The following TAS1R1 variants were observed in gnomAD, a reference collection of about 807,000 sequenced individuals.
The protein encoded by TAS1R1 is taste receptor type 1 member 1.
A neutral mutation model predicts 45.8 loss-of-function variants in TAS1R1; 31 were observed. That is an observed-to-expected ratio of 0.68 (90% CI 0.51 to 0.91). The LOEUF is 0.91. Among genes scored for constraint, TAS1R1 ranks in the 40% least tolerant of loss-of-function variants. The pLI is 0.00. For synonymous variants in TAS1R1, 437 were observed against 448.4 expected, an observed-to-expected ratio of 0.97 and a Z score of 0.32; for missense variants, 1,051 against 1,063.9, an observed-to-expected ratio of 0.99 and a Z score of 0.17.
chr1:6,570,065 G>C (rs1424871796), intron 1 of TAS1R1, among the ~76,000 whole-genome samples: 3 of 151,498 alleles, frequency 2.0e-5, no homozygotes, highest in Non-Finnish European at 4.4e-5. Flanking sequence ...GTCCTCTGGG[G>C]ATGCCCGGCC....
intron 1 of TAS1R1, among the ~76,000 whole-genome samples, chr1:6,567,130 T>C (rs1639887124): frequency 6.6e-6 from 1 of 152,118 alleles, no homozygotes; most frequent in Admixed American, 6.6e-5. Flanking sequence ...TGAAGCATGA[T>C]AGAAAGACTA....
chr1:6,575,605 A>G (rs1194453399), intron 3 of TAS1R1, among the ~76,000 whole-genome samples: 1 of 147,514 alleles, frequency 6.8e-6, no homozygotes, highest in Admixed American at 6.8e-5. Flanking sequence ...TGCAACTTCC[A>G]CCTCCTGGGT....
intron 2 of TAS1R1, among the ~76,000 whole-genome samples, chr1:6,573,915 G>A (rs1479281929): frequency 2.0e-5 from 3 of 152,116 alleles, no homozygotes; most frequent in African/African-American, 2.4e-5. Context: ...CACCCACCTC[G>A]GCCTCCCAAT....
In TAS1R1 at chr1:6,557,332, G is replaced by A. The variant is rs576756749; in HGVS notation, c.191+1768G>A. 3.3e-5 allele frequency among the ~76,000 whole-genome samples: 5 copies of A among 152,176 alleles called. No individual in the cohort carries two copies. In the South Asian group the frequency reaches 8.3e-4, roughly 25 times the overall value. On this transcript the variant is annotated intron_variant, in intron 1 of 5. Coordinates refer to ENST00000333172, the MANE Select transcript of TAS1R1 (RefSeq NM_138697.4). ...GCAGGAGGCACGAACCCTCCGTTGA[G>A]AGACTCGGGACAGAAGTGGTAGAAA...
intron 1 of TAS1R1, among the ~76,000 whole-genome samples, chr1:6,567,485 G>A (rs1639894908): frequency 6.6e-6 from 1 of 151,962 alleles, no homozygotes; most frequent in African/African-American, 2.4e-5. Context: ...GTGTGAACCC[G>A]GGAGGCGGAG....
intron 2 of TAS1R1, among the ~76,000 whole-genome samples, chr1:6,573,287 T>C (rs1225483767): frequency 6.6e-6 from 1 of 152,126 alleles, no homozygotes; most frequent in Non-Finnish European, 1.5e-5. Context: ...TGAAACCCTG[T>C]CTCTGCTAAA....
At position 6,571,106 on chromosome 1, in the gene TAS1R1, A is replaced by G. The variant is rs543211233; in HGVS notation, c.389A>G (p.Gln130Arg). The G allele has an allele frequency of 1.2e-5, 19 of 1,614,050 alleles. No homozygotes were observed. The East Asian group carries it at 4.2e-4, about 36-fold the overall frequency. The stretch of plus-strand genomic sequence containing the variant: ...CCAGGGCAACACCACATAGAGCTCC[A>G]AGGAGACCTTCTCCACTATTCCCCT... ...SLPGQHHIEL[Q>R]GDLLHYSPTV... is the part of the protein sequence containing the mutation. Residue 130 changes from glutamine to arginine, a missense_variant, in exon 2 of 6, where the codon CAA (glutamine) becomes CGA (arginine). Gln to Arg is a conservative substitution (Grantham distance 43, BLOSUM62 1). Transcript: ENST00000333172.
chr1:6,578,548 G>A (rs1640253664), intron 5 of TAS1R1, 105 bp from the exon 6 acceptor site: 1 of 1,501,394 alleles, frequency 6.7e-7, no homozygotes, highest in Admixed American at 2.4e-5. Flanking sequence ...GCCTAGTATA[G>A]TCTAGCTGCC....
chr1:6,562,559 C>G (rs1457375934), intron 1 of TAS1R1, among the ~76,000 whole-genome samples: 1 of 152,200 alleles, frequency 6.6e-6, no homozygotes, highest in African/African-American at 2.4e-5. Flanking sequence ...CAGCTCCTCT[C>G]CCAACACTCA....
At position 6,570,894 on chromosome 1, in the gene TAS1R1, T is replaced by G. The variant is rs1473638748; in HGVS notation, c.192-15T>G. ...TTTGTCCTTCTCAGCTGTCTCTTAC[T>G]GGCTTTCTCCACAGGTCTTGTAGCT... On this transcript the variant is annotated splice_polypyrimidine_tract_variant and intron_variant, in intron 1 of 5. Transcript: ENST00000333172. 6.3e-7 allele frequency: 1 copy of G among 1,579,950 alleles called. No homozygotes were observed. The highest frequency in any genetic ancestry group is 8.6e-7 in the Non-Finnish European group (1 of 1,162,658).
rs773110625 is a variant in TAS1R1 at position 6,576,514 on chromosome 1, T to C, written c.1360T>C (p.Trp454Arg). Residue 454 changes from tryptophan (W) to arginine (R), a missense_variant, in exon 4 of 6, where the codon TGG becomes CGG. Physicochemically the swap from Trp to Arg is moderately radical, Grantham distance 101. Transcript: ENST00000333172. The stretch of plus-strand genomic sequence containing the variant: ...CCTCAGTAGCTATAACATAATTGCC[T>C]GGGACTGGAATGGACCCAAGTGGAC... ...DPLSSYNIIA[W>R]DWNGPKWTFT... 6.2e-7 allele frequency: 1 copy of C among 1,614,270 alleles called. No individual in the cohort carries two copies. Among genetic ancestry groups the C allele is most frequent in the Non-Finnish European group, 8.5e-7 (1 of 1,180,050 alleles).
At chr1:6,575,683 T>A (rs1640150782) in intron 3 of TAS1R1, among the ~76,000 whole-genome samples, 1 of 134,960 alleles carries the variant, frequency 7.4e-6, no homozygotes, top group Non-Finnish European at 1.6e-5. Flanking sequence ...CATGCCTGGA[T>A]AATTTTTCTT....
chr1:6,575,407 C>T lies in TAS1R1; in HGVS notation c.1260+15C>T. 1.3e-6 allele frequency: 2 copies of T among 1,534,158 alleles called. No individual in the cohort carries two copies. Among genetic ancestry groups the T allele is most frequent in the Non-Finnish European group, 1.7e-6 (2 of 1,144,120 alleles). ...ACCCCTGGCAGGTAAGAGAGCCCAC[C>T]CCAGCACCTCCTGTCAGGGAGAACA... On this transcript the variant is annotated intron_variant, in intron 3 of 5. Coordinates refer to ENST00000333172, the MANE Select transcript of TAS1R1 (RefSeq NM_138697.4).
In TAS1R1 at chr1:6,564,738, A is replaced by G. The variant is rs370481761; in HGVS notation, c.192-6171A>G. 1.4e-3 allele frequency among the ~76,000 whole-genome samples: 218 copies of G among 152,314 alleles called. 7 individuals carry two copies. The South Asian group carries it at 0.043, about 30-fold the overall frequency. On this transcript the variant is annotated intron_variant, in intron 1 of 5. Coordinates refer to ENST00000333172, the MANE Select transcript of TAS1R1 (RefSeq NM_138697.4). Reference sequence around the variant, plus strand: ...ATCAAATCTAGGGATGATATCTGCTATAAGAATTTGGGCGACTACTGCGGC... The same window carrying G: ...ATCAAATCTAGGGATGATATCTGCTGTAAGAATTTGGGCGACTACTGCGGC...
intron 1 of TAS1R1, among the ~76,000 whole-genome samples, chr1:6,562,310 A>G (rs972283304): frequency 2.6e-5 from 4 of 152,146 alleles, no homozygotes; most frequent in African/African-American, 9.7e-5. Context: ...CTGGGACTAC[A>G]GGCGACCGCC....
chr1:6,571,130 C>A lies in TAS1R1; in HGVS notation c.413C>A (p.Pro138His). 1 of 1,613,236 alleles carries A rather than the reference C, an allele frequency of 6.2e-7. No homozygotes were observed. Residue 138 changes from proline to histidine, a missense_variant, in exon 2 of 6, where the codon CCT becomes CAT. By Grantham distance (77) the Pro-to-His change is moderately conservative (BLOSUM62 -2). Transcript: ENST00000333172. ...CAAGGAGACCTTCTCCACTATTCCC[C>A]TACGGTGCTGGCAGTGATTGGGCCT... ...ELQGDLLHYS[P>H]TVLAVIGPDS...
intron 2 of TAS1R1, among the ~76,000 whole-genome samples, chr1:6,572,146 C>T (rs1373513734): frequency 6.6e-6 from 1 of 152,146 alleles, no homozygotes; most frequent in African/African-American, 2.4e-5. Context: ...CCTCTCCCTG[C>T]CCTCATTGAC....
At chr1:6,564,490 G>A (rs59650180) in intron 1 of TAS1R1, among the ~76,000 whole-genome samples, 8,051 of 152,124 alleles carry the variant, frequency 0.053, 712 homozygotes, top group African/African-American at 0.18. Context: ...GCTCTGGTGC[G>A]GGCTAGGGCT....
chr1:6,560,294 T>C (rs1639759948), intron 1 of TAS1R1, among the ~76,000 whole-genome samples: 1 of 152,160 alleles, frequency 6.6e-6, no homozygotes. Context: ...CGAAACTCCA[T>C]CTTGTAAGGT....
Sources: gnomAD v4.1 joint callset for allele counts (sites outside exome capture counted in the v4.1 genomes callset) on GRCh38, gnomAD v4.1.1 for gene constraint, MANE v1.5 for transcripts, NCBI Gene and HGNC (gene_info 2026-07-23, HGNC 2026-07-21) for gene names.